The following RGS7BP variants were observed in gnomAD, a reference collection of about 807,000 sequenced individuals.
The protein encoded by RGS7BP is regulator of G protein signaling 7-binding protein.
A neutral mutation model predicts 31.3 loss-of-function variants in RGS7BP; 9 were observed. The ratio of observed to expected loss-of-function variants is 0.29; its 90% CI spans 0.17 to 0.50. RGS7BP has a LOEUF of 0.50. Among genes scored for constraint, RGS7BP ranks in the 20% least tolerant of loss-of-function variants. The probability of loss-of-function intolerance (pLI) is 0.98; values close to 1 mark genes in which losing one functional copy is unlikely to be tolerated. For missense variants in RGS7BP, 274 were observed against 322.0 expected, an observed-to-expected ratio of 0.85 and a Z score of 1.14; for synonymous variants, 115 against 120.1, an observed-to-expected ratio of 0.96 and a Z score of 0.28.
chr5:64,608,590 G>C (rs1743424417), intron 5 of RGS7BP, among the ~76,000 whole-genome samples: 1 of 152,026 alleles, frequency 6.6e-6, no homozygotes, highest in African/African-American at 2.4e-5. Flanking sequence ...CTCTATGCTA[G>C]ACAGTAAGCT....
intron 2 of RGS7BP, among the ~76,000 whole-genome samples, chr5:64,512,626 A>G (rs1168929744): frequency 6.6e-6 from 1 of 152,224 alleles, no homozygotes; most frequent in Non-Finnish European, 1.5e-5. Context: ...AGTTAGTGGT[A>G]ATATAATAAG....
intron 3 of RGS7BP, among the ~76,000 whole-genome samples, chr5:64,591,927 A>G (rs894112264): frequency 1.3e-5 from 2 of 152,210 alleles, no homozygotes; most frequent in Admixed American, 6.5e-5. Context: ...TTGGCCTTAC[A>G]AAGATTACCT....
chr5:64,571,629 A>AT, intron 2 of RGS7BP, among the ~76,000 whole-genome samples: 1 of 152,242 alleles, frequency 6.6e-6, no homozygotes, highest in African/African-American at 2.4e-5. Context: ...AGCCTTTGTC[A>AT]TATTACTTTT....
chr5:64,547,810 T>C (rs1182403963), intron 2 of RGS7BP, among the ~76,000 whole-genome samples: 1 of 152,174 alleles, frequency 6.6e-6, no homozygotes, highest in Non-Finnish European at 1.5e-5. Context: ...TTAGAGGTAA[T>C]GGTTCTCTTT....
intron 2 of RGS7BP, among the ~76,000 whole-genome samples, chr5:64,570,548 TA>T (rs1470920419): frequency 6.6e-6 from 1 of 152,152 alleles, no homozygotes; most frequent in East Asian, 1.9e-4. Context: ...GCTGTTTTTT[TA>T]AAAAGCTATT....
At chr5:64,579,013 C>T (rs1742510657) in intron 3 of RGS7BP, among the ~76,000 whole-genome samples, 1 of 152,170 alleles carries the variant, frequency 6.6e-6, no homozygotes, top group South Asian at 2.1e-4. Context: ...CCCCTGATCA[C>T]CATCTGTAGC....
chr5:64,574,955 C>A (rs971939848), intron 2 of RGS7BP, among the ~76,000 whole-genome samples: 2 of 151,892 alleles, frequency 1.3e-5, no homozygotes, highest in Non-Finnish European at 2.9e-5. Context: ...AAACTTTATC[C>A]CTTTTATTTG....
At chr5:64,515,953 C>T (rs940380832) in intron 2 of RGS7BP, among the ~76,000 whole-genome samples, 1 of 152,014 alleles carries the variant, frequency 6.6e-6, no homozygotes, top group African/African-American at 2.4e-5. Context: ...GCATGCACTA[C>T]CAGACACAGC....
chr5:64,585,924 T>G (rs1323349101), intron 3 of RGS7BP, among the ~76,000 whole-genome samples: 1 of 152,126 alleles, frequency 6.6e-6, no homozygotes, highest in Non-Finnish European at 1.5e-5. Context: ...CTTCCTCCCC[T>G]ACCCCATCCC....
chr5:64,601,977 G>A (rs1303226164), intron 5 of RGS7BP, among the ~76,000 whole-genome samples: 2 of 152,172 alleles, frequency 1.3e-5, no homozygotes, highest in Non-Finnish European at 2.9e-5. Context: ...GAATTTGGTC[G>A]TTGATGCCAT....
At chr5:64,544,293 T>C (rs1248416023) in intron 2 of RGS7BP, among the ~76,000 whole-genome samples, 1 of 152,174 alleles carries the variant, frequency 6.6e-6, no homozygotes, top group Non-Finnish European at 1.5e-5. Flanking sequence ...TGTACTGGGA[T>C]CTCACAGGGA....
At position 64,606,037 on chromosome 5, in the gene RGS7BP, T is replaced by TAG. The variant is rs1300056145; in HGVS notation, c.683-3123_683-3122insGA. On this transcript the variant is annotated intron_variant, in intron 5 of 5. Transcript: ENST00000334025. ...ATCTGGATACATATATATATATATATATAGAGAGAGAGAGAGAGAGAGAAG... is the reference window on the plus strand; with the variant it reads ...ATCTGGATACATATATATATATATATAGATAGAGAGAGAGAGAGAGAGAGAAG... Among the ~76,000 whole-genome samples, 103 of 121,034 alleles carry TAG rather than the reference T, an allele frequency of 8.5e-4. 5 individuals carry two copies. The highest frequency in any genetic ancestry group is 9.7e-3 in the Middle Eastern group (2 of 206). The allele number at this position is 121,034 out of a possible 152,430, so 79.4% of individuals were successfully genotyped here. A position where few individuals can be genotyped will look rare whatever the true frequency, so the allele number is the denominator to read the frequency against.
At chr5:64,526,056 A>G (rs1749222869) in intron 2 of RGS7BP, among the ~76,000 whole-genome samples, 1 of 152,282 alleles carries the variant, frequency 6.6e-6, no homozygotes, top group East Asian at 1.9e-4. Context: ...ACAGAAAGCC[A>G]ATCACTGAGA....
chr5:64,571,404 G>A (rs1742897502), intron 2 of RGS7BP, among the ~76,000 whole-genome samples: 1 of 152,048 alleles, frequency 6.6e-6, no homozygotes, highest in Non-Finnish European at 1.5e-5. Context: ...CTCTATTTGT[G>A]AATATGTTTT....
intron 4 of RGS7BP, among the ~76,000 whole-genome samples, chr5:64,596,315 C>G (rs1743066876): frequency 6.6e-6 from 1 of 152,180 alleles, no homozygotes; most frequent in African/African-American, 2.4e-5. Context: ...CCCTGGCTGT[C>G]TGCCTTGAGA....
At chr5:64,564,231 CCA>C (rs1742119496) in intron 2 of RGS7BP, among the ~76,000 whole-genome samples, 1 of 152,116 alleles carries the variant, frequency 6.6e-6, no homozygotes, top group Non-Finnish European at 1.5e-5. Context: ...CTCACTCTGC[CCA>C]CAAACACTGC....
At chr5:64,578,339 T>C (rs1321956251) in intron 3 of RGS7BP, among the ~76,000 whole-genome samples, 1 of 152,232 alleles carries the variant, frequency 6.6e-6, no homozygotes, top group Non-Finnish European at 1.5e-5. Context: ...TTCTCCCCTA[T>C]GTAGGATTAA....
chr5:64,524,755 C>T (rs535552978), intron 2 of RGS7BP, among the ~76,000 whole-genome samples: 48 of 152,208 alleles, frequency 3.2e-4, no homozygotes, highest in African/African-American at 1.1e-3. Flanking sequence ...AGGCATCGCA[C>T]GGCAACTTCA....
intron 2 of RGS7BP, among the ~76,000 whole-genome samples, chr5:64,510,223 T>C (rs1313426303): frequency 2.6e-5 from 4 of 152,180 alleles, no homozygotes; most frequent in Non-Finnish European, 4.4e-5. Context: ...TTATTCTTAT[T>C]CTACAAATAG....
Sources: gnomAD v4.1 joint callset for allele counts (sites outside exome capture counted in the v4.1 genomes callset) on GRCh38, gnomAD v4.1.1 for gene constraint, MANE v1.5 for transcripts, NCBI Gene and HGNC (gene_info 2026-07-23, HGNC 2026-07-21) for gene names.